The following FYN variants were observed in gnomAD, a reference collection of about 807,000 sequenced individuals.
FYN encodes the protein FYN proto-oncogene, Src family tyrosine kinase.
A neutral mutation model predicts 70.2 loss-of-function variants in FYN; 10 were observed. The ratio of observed to expected loss-of-function variants is 0.14; its 90% confidence interval spans 0.09 to 0.24. The LOEUF (loss-of-function observed/expected upper bound fraction) is 0.24. Among genes scored for constraint, FYN ranks in the 10% least tolerant of loss-of-function variants. The pLI is 1.00. For synonymous variants in FYN, 236 were observed against 248.6 expected, an observed-to-expected ratio of 0.95 and a Z score of 0.48; for missense variants, 319 against 673.1, an observed-to-expected ratio of 0.47 and a Z score of 5.82.
intron 8 of FYN, among the ~76,000 whole-genome samples, chr6:111,700,489 G>A (rs916944341): frequency 2.6e-5 from 4 of 152,154 alleles, no homozygotes; most frequent in South Asian, 2.1e-4. Context: ...AAGATCAGAC[G>A]CCACACACGG....
chr6:111,750,370 G>A (rs1802430218), intron 3 of FYN, among the ~76,000 whole-genome samples: 1 of 152,128 alleles, frequency 6.6e-6, no homozygotes, highest in Non-Finnish European at 1.5e-5. Flanking sequence ...CCCACCATGT[G>A]AGATGCCTCG....
Position 111,846,641 on chromosome 6 carries a change from GAA to G in FYN, c.-122-14_-122-13del. 2.7e-6 allele frequency: 1 copy of G among 373,044 alleles called. No individual in the cohort carries two copies. The allele number at this position is 373,044 out of a possible 1,614,324, so 23.1% of individuals were successfully genotyped here. ...CTTCTTCAAAAAAACTGTAGAAGAA[GAA>G]AAAAAAAAGTGAGACATCAAAAGAG... On this transcript the variant is annotated splice_polypyrimidine_tract_variant and intron_variant, in intron 1 of 13. Transcript: ENST00000354650.
At chr6:111,740,561 G>A (rs929163993) in intron 3 of FYN, among the ~76,000 whole-genome samples, 5 of 152,128 alleles carry the variant, frequency 3.3e-5, no homozygotes, top group African/African-American at 1.2e-4. Flanking sequence ...TTTTTTTAAA[G>A]TTACTCCCAG....
chr6:111,708,118 C>T (rs1800187912), intron 5 of FYN, 98 bp from the exon 6 acceptor site: 2 of 855,734 alleles, frequency 2.3e-6, no homozygotes, highest in African/African-American at 1.7e-5. Context: ...ACCTAATCAT[C>T]CTGCCACCCG....
chr6:111,712,984 C>T (rs1232808850), intron 5 of FYN, among the ~76,000 whole-genome samples: 4 of 152,286 alleles, frequency 2.6e-5, no homozygotes, highest in South Asian at 4.2e-4. Context: ...ACTTTTGATA[C>T]GTGCACTTTT....
At chr6:111,737,805 C>A (rs949898176) in intron 3 of FYN, among the ~76,000 whole-genome samples, 1 of 152,186 alleles carries the variant, frequency 6.6e-6, no homozygotes, top group Non-Finnish European at 1.5e-5. Flanking sequence ...TAGACGTTTA[C>A]TACTTTGGAG....
chr6:111,808,256 T>G (rs1020574660), intron 2 of FYN, among the ~76,000 whole-genome samples: 1 of 152,108 alleles, frequency 6.6e-6, no homozygotes, highest in Non-Finnish European at 1.5e-5. Context: ...AGGAGACAGG[T>G]GGCACCCTCA....
intron 12 of FYN, among the ~76,000 whole-genome samples, chr6:111,682,189 C>T (rs1798808149): frequency 6.6e-6 from 1 of 152,080 alleles, no homozygotes; most frequent in Admixed American, 6.6e-5. Flanking sequence ...CAGACTTAAT[C>T]AAACTAAACG....
chr6:111,788,670 T>C (rs1446286866), intron 2 of FYN, among the ~76,000 whole-genome samples: 3 of 152,228 alleles, frequency 2.0e-5, no homozygotes, highest in Non-Finnish European at 2.9e-5. Context: ...CAACCTGCCA[T>C]GCTACAATAT....
chr6:111,740,197 C>T (rs1258180415), intron 3 of FYN, among the ~76,000 whole-genome samples: 1 of 152,172 alleles, frequency 6.6e-6, no homozygotes, highest in Non-Finnish European at 1.5e-5. Context: ...CTAATAGACT[C>T]GAGAAAAAGT....
intron 13 of FYN, among the ~76,000 whole-genome samples, chr6:111,671,374 C>T (rs971480361): frequency 1.3e-5 from 2 of 152,244 alleles, no homozygotes; most frequent in Admixed American, 1.3e-4. Context: ...TCACGCTGGG[C>T]AAAGATGCCT....
chr6:111,868,637 T>A (rs1235561316), intron 1 of FYN, among the ~76,000 whole-genome samples: 1 of 152,212 alleles, frequency 6.6e-6, no homozygotes, highest in Non-Finnish European at 1.5e-5. Context: ...ACATAACGTA[T>A]TTTAATATCA....
At chr6:111,797,916 C>A (rs183687975) in intron 2 of FYN, among the ~76,000 whole-genome samples, 12 of 151,860 alleles carry the variant, frequency 7.9e-5, no homozygotes, top group African/African-American at 2.7e-4. Flanking sequence ...GCATGTGCCA[C>A]CATGTCCAGC....
chr6:111,852,706 G>C (rs909393839), intron 1 of FYN, among the ~76,000 whole-genome samples: 8 of 151,898 alleles, frequency 5.3e-5, no homozygotes, highest in African/African-American at 1.9e-4. Context: ...CCAAAATCTA[G>C]TTATATAGGT....
intron 2 of FYN, among the ~76,000 whole-genome samples, chr6:111,831,514 T>C (rs1215172911): frequency 1.3e-5 from 2 of 152,202 alleles, no homozygotes; most frequent in East Asian, 3.8e-4. Context: ...CACAAATCTG[T>C]AATATTCAAG....
intron 12 of FYN, among the ~76,000 whole-genome samples, chr6:111,678,955 C>T (rs943611262): frequency 6.6e-6 from 1 of 152,164 alleles, no homozygotes; most frequent in Non-Finnish European, 1.5e-5. Flanking sequence ...TTCCTCTAGT[C>T]CTCGCTTGCT....
At chr6:111,837,294 T>C (rs1237398002) in intron 2 of FYN, among the ~76,000 whole-genome samples, 2 of 152,200 alleles carry the variant, frequency 1.3e-5, no homozygotes, top group Non-Finnish European at 2.9e-5. Flanking sequence ...CCTCATCTGG[T>C]AACAGTAGAA....
chr6:111,699,151 C>A (rs995707926), intron 9 of FYN, among the ~76,000 whole-genome samples: 1 of 152,178 alleles, frequency 6.6e-6, no homozygotes, highest in African/African-American at 2.4e-5. Flanking sequence ...GTTAAATATG[C>A]CCCTTGTTCG....
chr6:111,773,135 C>T (rs6912975), intron 3 of FYN, among the ~76,000 whole-genome samples: 78,174 of 149,262 alleles, frequency 0.52, 21,364 homozygotes, highest in East Asian at 0.85. Context: ...AAAGCAAATG[C>T]TGCAAATGTA....
Sources: gnomAD v4.1 joint callset for allele counts (sites outside exome capture counted in the v4.1 genomes callset) on GRCh38, gnomAD v4.1.1 for gene constraint, MANE v1.5 for transcripts, NCBI Gene and HGNC (gene_info 2026-07-23, HGNC 2026-07-21) for gene names.